Variants in SATB2 observed in about 807,000 individuals in gnomAD.
SATB2 encodes SATB homeobox 2, also known as DNA-binding protein SATB2.
In SATB2, 1 loss-of-function variant was observed where a neutral mutation model predicts 73.4. The ratio of observed to expected loss-of-function variants is 0.01; its 90% CI spans 0.00 to 0.06. The LOEUF (loss-of-function observed/expected upper bound fraction) is 0.06. Ranked by LOEUF, SATB2 falls within the 10% of genes least tolerant of loss-of-function variation. The pLI, the probability that SATB2 is intolerant of heterozygous loss-of-function variation, is 1.00. For synonymous variants in SATB2, 397 were observed against 367.0 expected (o/e 1.08, Z -0.93); for missense variants, 459 against 945.8 (o/e 0.49, Z 6.75).
intron 3 of SATB2, among the ~76,000 whole-genome samples, chr2:199,390,252 G>C (rs1470940762): frequency 6.6e-6 from 1 of 152,098 alleles, no homozygotes; most frequent in African/African-American, 2.4e-5. Context: ...TTGGTGTTTA[G>C]TTATTTATTT....
At chr2:199,301,198 C>T (rs1448410618) in intron 10 of SATB2, among the ~76,000 whole-genome samples, 1 of 152,076 alleles carries the variant, frequency 6.6e-6, no homozygotes, top group African/African-American at 2.4e-5. Context: ...GTAGAATACT[C>T]TGGACACACA....
At chr2:199,386,716 GCACACACACACACACACA>G (rs61568459) in intron 3 of SATB2, among the ~76,000 whole-genome samples, 49 of 9,274 alleles carry the variant, frequency 5.3e-3, no homozygotes, top group Non-Finnish European at 0.022. Context: ...GCGCGCGCGC[GCACACACACACACACACA>G]CACACACACA....
intron 3 of SATB2, among the ~76,000 whole-genome samples, chr2:199,392,980 C>A (rs529677658): frequency 3.9e-5 from 6 of 152,076 alleles, no homozygotes; most frequent in Non-Finnish European, 7.4e-5. Flanking sequence ...CCTGCTAACA[C>A]GGCAAGTCAT....
upstream of SATB2, chr2:199,467,971 G>A (rs1692625218): frequency 1.3e-5 from 2 of 152,030 alleles, no homozygotes; most frequent in Admixed American, 1.3e-4. Context: ...GATCCACTCA[G>A]TTTTCAGTAG....
At chr2:199,337,291 C>G (rs573459915) in intron 7 of SATB2, among the ~76,000 whole-genome samples, 1 of 152,212 alleles carries the variant, frequency 6.6e-6, no homozygotes. Flanking sequence ...TTAAAATATT[C>G]AATTTATACT....
At position 199,451,514 on chromosome 2, in the gene SATB2, T is replaced by A. The variant is rs552443468; in HGVS notation, c.169+4355A>T. Among the ~76,000 whole-genome samples the A allele has an allele frequency of 9.9e-5, 15 of 152,030 alleles. No individual in the cohort carries two copies. The South Asian group carries it at 3.1e-3, about 32-fold the overall frequency. On this transcript the variant is annotated intron_variant, in intron 2 of 10. Transcript: ENST00000417098. ...TTTTCTCTTTTGAAGTAATGTGTAC[T>A]TCCTACAAATATTATGATATTCATC...
intron 5 of SATB2, among the ~76,000 whole-genome samples, chr2:199,373,392 A>G (rs910119600): frequency 1.3e-5 from 2 of 152,122 alleles, no homozygotes; most frequent in Non-Finnish European, 2.9e-5. Flanking sequence ...AATTCATTTA[A>G]TGTCATTTGG....
At chr2:199,427,047 T>G (rs1691357435) in intron 3 of SATB2, among the ~76,000 whole-genome samples, 1 of 152,082 alleles carries the variant, frequency 6.6e-6, no homozygotes, top group South Asian at 2.1e-4. Context: ...CTGGCTAATT[T>G]TTGTATTTTT....
chr2:199,361,521 A>C (rs1574546549), intron 6 of SATB2, among the ~76,000 whole-genome samples: 3 of 143,398 alleles, frequency 2.1e-5, no homozygotes, highest in African/African-American at 5.1e-5. Context: ...CCTCCCACCC[A>C]CCTCCCTTCC....
chr2:199,337,944 T>A (rs1213414495), intron 7 of SATB2, among the ~76,000 whole-genome samples: 1 of 152,202 alleles, frequency 6.6e-6, no homozygotes, highest in Non-Finnish European at 1.5e-5. Flanking sequence ...GAAAAATATA[T>A]AAATAACAGA....
In SATB2 at chr2:199,464,990, A is replaced by G. The variant is rs1692566061; in HGVS notation, c.-295T>C. 6.6e-6 allele frequency: 1 copy of G among 152,190 alleles called. No individual in the cohort carries two copies. The highest frequency in any genetic ancestry group is 2.4e-5 in the African/African-American group (1 of 41,442). 9.4% of individuals were successfully genotyped at this position (152,190 alleles called of 1,614,324 possible). A position where few individuals can be genotyped will look rare whatever the true frequency, so the allele number is the denominator to read the frequency against. ...CCTGGGGCTGATTTAAATAACTAAT[A>G]AGCTCAGAGAAATTTTACGAGGGGA... is the stretch of plus-strand genomic sequence containing the variant. On this transcript the variant is annotated 5_prime_UTR_variant, in exon 1 of 12. Transcript: ENST00000260926. This position sits in a 1 kb window ranked among gnomAD's most constrained non-coding sequence, Gnocchi z 6.6.
At chr2:199,370,524 C>CA (rs1187132351) in intron 5 of SATB2, among the ~76,000 whole-genome samples, 1 of 152,112 alleles carries the variant, frequency 6.6e-6, no homozygotes, top group African/African-American at 2.4e-5. Context: ...TGGCAGGAGT[C>CA]AGAGTTAAAC....
intron 9 of SATB2, among the ~76,000 whole-genome samples, chr2:199,323,273 C>G (rs571741056): frequency 1.2e-4 from 19 of 152,188 alleles, no homozygotes; most frequent in East Asian, 5.8e-4. Flanking sequence ...GCACTCCCCC[C>G]ACGTGTGTTT....
chr2:199,279,069 T>C (rs971587827), intron 10 of SATB2, among the ~76,000 whole-genome samples: 1 of 152,230 alleles, frequency 6.6e-6, no homozygotes, highest in African/African-American at 2.4e-5. Flanking sequence ...AGTAAGTTTC[T>C]TATTTATTTG....
intron 9 of SATB2, among the ~76,000 whole-genome samples, chr2:199,322,345 T>G (rs1415151808): frequency 3.3e-5 from 5 of 152,218 alleles, no homozygotes; most frequent in Admixed American, 6.5e-5. Context: ...TGCACAGTAG[T>G]TTTGCCAAGT....
intron 5 of SATB2, among the ~76,000 whole-genome samples, chr2:199,370,038 G>A (rs891244537): frequency 2.6e-5 from 4 of 152,076 alleles, no homozygotes; most frequent in South Asian, 2.1e-4. Context: ...TAATATCATC[G>A]GAGTGTATCA....
intron 2 of SATB2, among the ~76,000 whole-genome samples, chr2:199,451,301 G>A (rs756464107): frequency 6.6e-5 from 10 of 151,840 alleles, no homozygotes; most frequent in Non-Finnish European, 1.0e-4. Context: ...TTTTAACCAA[G>A]TATATCTTTA....
At chr2:199,402,009 C>T (rs1328306323) in intron 3 of SATB2, among the ~76,000 whole-genome samples, 1 of 151,902 alleles carries the variant, frequency 6.6e-6, no homozygotes, top group Non-Finnish European at 1.5e-5. Context: ...TGCAGTGAGC[C>T]AGGTGAGAAG....
Position 199,463,115 on chromosome 2 carries a change from G to A in SATB2, c.-141+1721C>T, listed in dbSNP as rs547767968. Reference sequence around the variant, plus strand: ...CGCGGGCCGGGGGACCGGGGAAGACGGAGGGTCCTGCGGCCTGGAGCACCA... The same window carrying A: ...CGCGGGCCGGGGGACCGGGGAAGACAGAGGGTCCTGCGGCCTGGAGCACCA... On this transcript the variant is annotated intron_variant, in intron 1 of 11. Coordinates refer to the SATB2 transcript ENST00000260926. The surrounding 1 kb of genome is among the most constrained non-coding windows in gnomAD (Gnocchi z 6.4). Among the ~76,000 whole-genome samples the A allele has an allele frequency of 6.6e-6, 1 of 152,186 alleles. No individual in the cohort carries two copies. Among genetic ancestry groups the A allele is most frequent in the Admixed American group, 6.5e-5 (1 of 15,304 alleles).
Sources: allele counts gnomAD v4.1 joint callset (sites outside exome capture counted in the v4.1 genomes callset), GRCh38; gene constraint gnomAD v4.1.1; non-coding constraint Gnocchi (gnomAD v3.1); transcripts MANE v1.5; gene names NCBI Gene and HGNC (gene_info 2026-07-23, HGNC 2026-07-21).